Variants in MEIS3 observed in about 807,000 individuals in gnomAD.
MEIS3 encodes Meis homeobox 3.
In MEIS3, 38 loss-of-function variants were observed where a neutral mutation model predicts 51.4. The observed-to-expected ratio is 0.74, with a 90% CI of 0.57 to 0.97. The LOEUF is 0.97. Among genes scored for constraint, MEIS3 ranks in the 50% least tolerant of loss-of-function variants. The pLI is 0.00. For synonymous variants in MEIS3, 198 were observed against 201.8 expected (o/e 0.98, Z 0.16); for missense variants, 456 against 502.6 (o/e 0.91, Z 0.89).
intron 6 of MEIS3, among the ~76,000 whole-genome samples, chr19:47,409,997 G>A (rs1215374265): frequency 3.9e-5 from 6 of 151,900 alleles, no homozygotes; most frequent in East Asian, 3.9e-4. Flanking sequence ...CTGAGCCTCC[G>A]TTTCCTTAAC....
intron 8 of MEIS3, among the ~76,000 whole-genome samples, chr19:47,407,866 G>A (rs1457978230): frequency 6.6e-6 from 1 of 152,170 alleles, no homozygotes; most frequent in Non-Finnish European, 1.5e-5. Context: ...GGAATGCAGT[G>A]GCGCGATCTC....
chr19:47,417,053 A>G, intron 2 of MEIS3, 90 bp from the exon 3 acceptor site: 2 of 1,532,952 alleles, frequency 1.3e-6, no homozygotes, highest in East Asian at 2.4e-5. Flanking sequence ...GGGAGGGGAC[A>G]AGAGACCCAG....
chr19:47,417,923 C>A (rs8104255), intron 1 of MEIS3: 492,191 of 553,012 alleles, frequency 0.89, 219,948 homozygotes, highest in South Asian at 0.94. Context: ...ATCCCCCCCC[C>A]CACACACACA....
intron 12 of MEIS3, among the ~76,000 whole-genome samples, chr19:47,404,685 C>T (rs1970736336): frequency 1.3e-5 from 2 of 152,174 alleles, no homozygotes; most frequent in African/African-American, 4.8e-5. Context: ...ATCCTCTAGT[C>T]TGGGTCAGAT....
intron 12 of MEIS3, among the ~76,000 whole-genome samples, chr19:47,405,340 T>C (rs902152183): frequency 1.9e-4 from 29 of 152,156 alleles, no homozygotes; most frequent in Non-Finnish European, 3.8e-4. Flanking sequence ...CCCAGTGGAC[T>C]CCTATTCATC....
At chr19:47,414,140 C>T (rs1002164999) in intron 6 of MEIS3, among the ~76,000 whole-genome samples, 10 of 151,454 alleles carry the variant, frequency 6.6e-5, no homozygotes, top group Middle Eastern at 3.2e-3. Flanking sequence ...CGTGTGATCT[C>T]GGCTGCAGCC....
chr19:47,419,179 C>T lies in MEIS3; in HGVS notation c.-98G>A, dbSNP rs1325129235. ...AGCCCCTGACGGCCCGCGGTGTTGA[C>T]GCCAGGGGGTGGGCAGGAGGCCAGG... On this transcript the variant is annotated 5_prime_UTR_variant, in exon 1 of 13. Transcript: ENST00000558555. 115 of 907,944 alleles carry T rather than the reference C, an allele frequency of 1.3e-4. No individual in the cohort carries two copies. The highest frequency in any genetic ancestry group is 1.6e-4 in the Non-Finnish European group (111 of 694,738). 56.2% of individuals were successfully genotyped at this position (907,944 alleles called of 1,614,324 possible). A position where few individuals can be genotyped will look rare whatever the true frequency, so the allele number is the denominator to read the frequency against.
At chr19:47,406,205 G>A (rs1362471519) in intron 12 of MEIS3, 5 of 391,286 alleles carry the variant, frequency 1.3e-5, no homozygotes, top group Non-Finnish European at 1.8e-5. Flanking sequence ...ATGAGTAATT[G>A]AGTAACGGAT....
chr19:47,410,311 G>T (rs1349019258), intron 6 of MEIS3, among the ~76,000 whole-genome samples: 1 of 152,102 alleles, frequency 6.6e-6, no homozygotes, highest in Non-Finnish European at 1.5e-5. Flanking sequence ...AGCTGGGCAT[G>T]ATGGTGGGTT....
At position 47,413,078 on chromosome 19, in the gene MEIS3, C is replaced by T. The variant is rs188871667; in HGVS notation, c.597+1639G>A. On this transcript the variant is annotated intron_variant, in intron 6 of 12. Coordinates refer to ENST00000558555, the MANE Select transcript of MEIS3 (RefSeq NM_001301059.2). ...TGTCCTGTTTGTGACACTGTTGTTGCGATTCCTGTGCGAGTGGGTATAAGG... is the reference window on the plus strand; with the variant it reads ...TGTCCTGTTTGTGACACTGTTGTTGTGATTCCTGTGCGAGTGGGTATAAGG... Among the ~76,000 whole-genome samples, 1,125 of 151,634 alleles carry T rather than the reference C, an allele frequency of 7.4e-3. 46 individuals are homozygous for T. Among genetic ancestry groups the T allele is most frequent in the Admixed American group, 0.069 (1,050 of 15,232 alleles).
chr19:47,415,042 C>A lies in MEIS3; in HGVS notation c.447+9G>T. On this transcript the variant is annotated intron_variant, in intron 5 of 12. Transcript: ENST00000558555. Reference sequence around the variant, plus strand: ...CAAGTGAGGGTGTGGGGAGGTGAGACGCGCTCACCTTCTCCAGCTCCAGCA... The same window carrying A: ...CAAGTGAGGGTGTGGGGAGGTGAGAAGCGCTCACCTTCTCCAGCTCCAGCA... 2 of 1,557,084 alleles carry A rather than the reference C, an allele frequency of 1.3e-6. No individual in the cohort carries two copies. The highest frequency in any genetic ancestry group is 1.7e-6 in the Non-Finnish European group (2 of 1,151,554).
intron 6 of MEIS3, among the ~76,000 whole-genome samples, chr19:47,414,325 G>A (rs1056175724): frequency 2.0e-5 from 3 of 152,118 alleles, no homozygotes; most frequent in East Asian, 1.9e-4. Flanking sequence ...AATTGAGAAC[G>A]GCGTGCGGAA....
chr19:47,418,207 ATCCCT>A (rs1971556983), intron 1 of MEIS3: 1 of 156,856 alleles, frequency 6.4e-6, no homozygotes, highest in Non-Finnish European at 1.4e-5. Flanking sequence ...ATCAGGTCAA[ATCCCT>A]TCCTCAGTGA....
intron 6 of MEIS3, among the ~76,000 whole-genome samples, chr19:47,409,932 G>T (rs1413565215): frequency 6.6e-6 from 1 of 152,030 alleles, no homozygotes; most frequent in Non-Finnish European, 1.5e-5. Flanking sequence ...TGGATGGGAA[G>T]CCAGTCCCTG....
intron 6 of MEIS3, among the ~76,000 whole-genome samples, chr19:47,411,863 A>G (rs899437659): frequency 6.6e-6 from 1 of 151,340 alleles, no homozygotes; most frequent in African/African-American, 2.4e-5. Flanking sequence ...TTCTTTGAAG[A>G]GACAGAGTCT....
Position 47,406,955 on chromosome 19 carries a change from G to A in MEIS3, c.1011C>T (p.Phe337=), listed in dbSNP as rs1309178129. 6.3e-7 allele frequency: 1 copy of A among 1,577,778 alleles called. No homozygotes were observed. The highest frequency in any genetic ancestry group is 1.2e-5 in the South Asian group (1 of 86,252). Reference sequence around the variant, plus strand: ...CCCCGATGGGCTGGCCCTCTGGGCTGAAGGCTGCACCCTGCCCTGCGAAGG... The same window carrying A: ...CCCCGATGGGCTGGCCCTCTGGGCTAAAGGCTGCACCCTGCCCTGCGAAGG... ...QSNRTGQGAA[F]SPEGQPIGGY... is the part of the protein sequence containing the mutation. The change falls in exon 11 of 13, where the codon TTC becomes TTT. Residue 337 remains phenylalanine, a synonymous_variant. Coordinates refer to ENST00000558555, the MANE Select transcript of MEIS3 (RefSeq NM_001301059.2).
At chr19:47,404,119 G>A (rs191645590) in intron 12 of MEIS3, among the ~76,000 whole-genome samples, 52 of 152,202 alleles carry the variant, frequency 3.4e-4, no homozygotes, top group African/African-American at 1.2e-3. Flanking sequence ...CCAGAGGATC[G>A]CTTAACCTGG....
intron 2 of MEIS3, 96 bp downstream of exon 2, chr19:47,417,082 A>ACT (rs1199414511): frequency 5.2e-6 from 8 of 1,533,296 alleles, no homozygotes; most frequent in Non-Finnish European, 4.4e-6. Flanking sequence ...GGAGACAGAG[A>ACT]CTCGTACACA....
At chr19:47,419,774 A>AGTCTCTCTCTCCTT (rs1217002231), upstream of MEIS3, among the ~76,000 whole-genome samples, 1 of 151,422 alleles carries the variant, frequency 6.6e-6, no homozygotes, top group Non-Finnish European at 1.5e-5. Flanking sequence ...CCTCTTTCCC[A>AGTCTCTCTCTCCTT]GTCTCTCTCT....
Sources: gnomAD v4.1 joint callset for allele counts (sites outside exome capture counted in the v4.1 genomes callset) on GRCh38, gnomAD v4.1.1 for gene constraint, MANE v1.5 for transcripts, NCBI Gene and HGNC (gene_info 2026-07-23, HGNC 2026-07-21) for gene names.